SNTG1: variants seen among roughly 807,000 people sequenced by gnomAD.
SNTG1 encodes the protein gamma-1-syntrophin.
Under a neutral mutation model 74.7 loss-of-function variants are expected in SNTG1, and 39 were observed. The ratio of observed to expected loss-of-function variants is 0.52; its 90% CI spans 0.40 to 0.68. The LOEUF (loss-of-function observed/expected upper bound fraction) is 0.68, where lower values mean the gene tolerates loss of function less well. Ranked by LOEUF, SNTG1 falls within the 30% of genes least tolerant of loss-of-function variation. The pLI, the probability that SNTG1 is intolerant of heterozygous loss-of-function variation, is 0.00. For missense variants in SNTG1, 685 were observed against 609.5 expected (o/e 1.12, Z -1.30); for synonymous variants, 254 against 217.1 (o/e 1.17, Z -1.49).
At chr8:50,106,742 A>G (rs1200216954) in intron 1 of SNTG1, among the ~76,000 whole-genome samples, 3 of 152,078 alleles carry the variant, frequency 2.0e-5, no homozygotes, top group Admixed American at 1.3e-4. Context: ...AGTTTTGCAA[A>G]CTTTTCTGAT....
At chr8:50,224,294 G>A (rs114623805) in intron 2 of SNTG1, among the ~76,000 whole-genome samples, 1 of 152,268 alleles carries the variant, frequency 6.6e-6, no homozygotes, top group African/African-American at 2.4e-5. Flanking sequence ...TACACACACA[G>A]ATTTTTCAAG....
At chr8:50,607,844 G>C (rs371709291) in intron 13 of SNTG1, among the ~76,000 whole-genome samples, 2 of 151,284 alleles carry the variant, frequency 1.3e-5, no homozygotes, top group African/African-American at 2.4e-5. Context: ...TGTTTTAAAG[G>C]TATGAATTTT....
chr8:50,267,747 A>T (rs1210296805), intron 2 of SNTG1, among the ~76,000 whole-genome samples: 2 of 152,188 alleles, frequency 1.3e-5, no homozygotes, highest in African/African-American at 4.8e-5. Context: ...TGACAAAAAA[A>T]TTCAACACTT....
At chr8:50,492,756 T>C (rs941403871) in intron 8 of SNTG1, among the ~76,000 whole-genome samples, 8 of 152,212 alleles carry the variant, frequency 5.3e-5, no homozygotes, top group African/African-American at 1.2e-4. Context: ...ATTTGTCAAT[T>C]TTGGCTTTTG....
intron 1 of SNTG1, among the ~76,000 whole-genome samples, chr8:49,982,812 T>A (rs893439423): frequency 6.6e-6 from 1 of 152,312 alleles, no homozygotes; most frequent in East Asian, 1.9e-4. Context: ...TTAACACTTA[T>A]GTCCATGTTT....
At chr8:49,982,056 A>G (rs1400271381) in intron 1 of SNTG1, among the ~76,000 whole-genome samples, 1 of 152,198 alleles carries the variant, frequency 6.6e-6, no homozygotes, top group East Asian at 1.9e-4. Context: ...TTTGAAAAAA[A>G]TGAGCATGGT....
At chr8:50,103,957 G>T (rs1361893224) in intron 1 of SNTG1, among the ~76,000 whole-genome samples, 3 of 152,224 alleles carry the variant, frequency 2.0e-5, no homozygotes, top group East Asian at 1.9e-4. Context: ...GCTGGATTTG[G>T]TTTGCCAGTA....
intron 4 of SNTG1, among the ~76,000 whole-genome samples, chr8:50,425,698 A>G (rs1356202340): frequency 6.6e-6 from 1 of 152,150 alleles, no homozygotes; most frequent in East Asian, 1.9e-4. Flanking sequence ...AGGGACTGCT[A>G]TTTTAACATA....
At chr8:50,701,107 A>G (rs2095422094) in intron 15 of SNTG1, among the ~76,000 whole-genome samples, 1 of 151,764 alleles carries the variant, frequency 6.6e-6, no homozygotes, top group Non-Finnish European at 1.5e-5. Context: ...AAATTTTCTG[A>G]CTAATAATGA....
intron 8 of SNTG1, among the ~76,000 whole-genome samples, chr8:50,461,893 G>T (rs1240440299): frequency 2.6e-5 from 4 of 152,094 alleles, no homozygotes; most frequent in Non-Finnish European, 5.9e-5. Context: ...CTGGATTCTA[G>T]ATGTGCAAAG....
chr8:50,143,625 G>A (rs530776331), intron 1 of SNTG1, among the ~76,000 whole-genome samples: 2 of 152,284 alleles, frequency 1.3e-5, no homozygotes, highest in East Asian at 3.9e-4. Context: ...TCAGATGCAA[G>A]TTTGATAAGA....
At chr8:50,384,632 T>A (rs559348092) in intron 2 of SNTG1, among the ~76,000 whole-genome samples, 79 of 152,234 alleles carry the variant, frequency 5.2e-4, no homozygotes, top group African/African-American at 1.8e-3. Flanking sequence ...TTGGCCTTGG[T>A]GAGTGGAAGT....
intron 1 of SNTG1, among the ~76,000 whole-genome samples, chr8:49,922,013 G>C (rs1234430162): frequency 6.6e-6 from 1 of 151,924 alleles, no homozygotes; most frequent in African/African-American, 2.4e-5. Context: ...TGCCTTCTCT[G>C]CTTTTCATGT....
intron 13 of SNTG1, among the ~76,000 whole-genome samples, chr8:50,651,399 CA>C (rs2131236036): frequency 6.6e-6 from 1 of 152,224 alleles, no homozygotes; most frequent in East Asian, 1.9e-4. Context: ...TTGAATCCCT[CA>C]AGTTTGATAT....
chr8:50,770,527 G>C (rs1384085762), intron 18 of SNTG1, among the ~76,000 whole-genome samples: 1 of 151,958 alleles, frequency 6.6e-6, no homozygotes, highest in Non-Finnish European at 1.5e-5. Flanking sequence ...GTGTGGGCTG[G>C]GCTTGCAGAT....
At chr8:50,111,275 A>G (rs370439863) in intron 1 of SNTG1, among the ~76,000 whole-genome samples, 18 of 152,208 alleles carry the variant, frequency 1.2e-4, no homozygotes, top group African/African-American at 4.3e-4. Flanking sequence ...TACCCCCCCA[A>G]TATAATGGTA....
chr8:50,306,857 T>A (rs894288535), intron 2 of SNTG1, among the ~76,000 whole-genome samples: 5 of 152,108 alleles, frequency 3.3e-5, no homozygotes, highest in African/African-American at 1.2e-4. Context: ...CTTATGATTA[T>A]TTCTTTTGCC....
chr8:50,348,245 G>A (rs2091541077), intron 2 of SNTG1, among the ~76,000 whole-genome samples: 1 of 152,102 alleles, frequency 6.6e-6, no homozygotes, highest in Admixed American at 6.6e-5. Flanking sequence ...GGTCAGAAAT[G>A]GGAATGAGGG....
chr8:50,632,451 C>A (rs905850102), intron 13 of SNTG1, among the ~76,000 whole-genome samples: 3 of 152,056 alleles, frequency 2.0e-5, no homozygotes, highest in African/African-American at 7.2e-5. Flanking sequence ...GTTGGGACCA[C>A]AGGCATGCAC....
Sources: gnomAD v4.1 joint callset for allele counts (sites outside exome capture counted in the v4.1 genomes callset) on GRCh38, gnomAD v4.1.1 for gene constraint, MANE v1.5 for transcripts, NCBI Gene and HGNC (gene_info 2026-07-23, HGNC 2026-07-21) for gene names.